ADRA1B: variants seen among roughly 807,000 people sequenced by gnomAD.
ADRA1B encodes the protein alpha-1B adrenergic receptor.
Under a neutral mutation model 17.9 loss-of-function variants are expected in ADRA1B, and 17 were observed. The ratio of observed to expected loss-of-function variants is 0.95; its 90% CI spans 0.65 to 1.42. The LOEUF (loss-of-function observed/expected upper bound fraction) is 1.42, where lower values mean the gene tolerates loss of function less well. Ranked by LOEUF, ADRA1B falls within the 40% of genes most tolerant of loss-of-function variation. The probability of loss-of-function intolerance (pLI) is 0.00; values close to 1 mark genes in which losing one functional copy is unlikely to be tolerated. For missense variants in ADRA1B, 681 were observed against 722.1 expected (o/e 0.94, Z 0.65); for synonymous variants, 366 against 327.6 (o/e 1.12, Z -1.27).
intron 1 of ADRA1B, among the ~76,000 whole-genome samples, chr5:159,897,230 G>A (rs897525491): frequency 6.6e-6 from 1 of 152,218 alleles, no homozygotes; most frequent in Non-Finnish European, 1.5e-5. Context: ...GCTCACGCCT[G>A]TAATCCCAGC....
intron 1 of ADRA1B, among the ~76,000 whole-genome samples, chr5:159,892,173 G>C (rs1753989608): frequency 6.6e-6 from 1 of 152,134 alleles, no homozygotes; most frequent in Non-Finnish European, 1.5e-5. Context: ...GGAGGTGGAG[G>C]TTGCAGTGAG....
chr5:159,889,669 A>C (rs1458776643), intron 1 of ADRA1B, among the ~76,000 whole-genome samples: 2 of 152,182 alleles, frequency 1.3e-5, no homozygotes, highest in Non-Finnish European at 2.9e-5. Flanking sequence ...TCTGGGGTTC[A>C]ATGGCATTCA....
At chr5:159,951,101 C>A (rs73817253) in intron 1 of ADRA1B, 11 of 738,122 alleles carry the variant, frequency 1.5e-5, no homozygotes, top group Non-Finnish European at 2.7e-5. Flanking sequence ...GTGGTTCATG[C>A]CCATCACGAA....
intron 1 of ADRA1B, among the ~76,000 whole-genome samples, chr5:159,891,236 AG>A (rs1297284045): frequency 6.6e-6 from 1 of 152,254 alleles, no homozygotes; most frequent in African/African-American, 2.4e-5. Context: ...ACTGCTTTAT[AG>A]TACTTTTGCT....
downstream of ADRA1B, among the ~76,000 whole-genome samples, chr5:159,975,590 C>T (rs1011787997): frequency 2.6e-5 from 4 of 152,252 alleles, no homozygotes; most frequent in Non-Finnish European, 4.4e-5. Flanking sequence ...TGATCTCATT[C>T]ATTACTGGTG....
intron 1 of ADRA1B, among the ~76,000 whole-genome samples, chr5:159,953,913 T>C (rs1182558944): frequency 6.7e-6 from 1 of 148,670 alleles, no homozygotes; most frequent in Non-Finnish European, 1.5e-5. Flanking sequence ...AGAAAGAAAA[T>C]GAAAGCCATT....
intron 1 of ADRA1B, chr5:159,950,486 A>G: frequency 1.4e-6 from 2 of 1,441,052 alleles, no homozygotes; most frequent in Non-Finnish European, 1.9e-6. Context: ...CTGGTGGTCC[A>G]GGGGTGTTAC....
chr5:159,909,175 G>A lies in ADRA1B; in HGVS notation c.-255-6944G>A, dbSNP rs1045072429. Among the ~76,000 whole-genome samples, 11 of 152,226 alleles carry A rather than the reference G, an allele frequency of 7.2e-5. 1 individual carries two copies. The highest frequency in any genetic ancestry group is 1.7e-4 in the African/African-American group (7 of 41,510). ...GCAAAGGAAACTGCCTCTTTCTCAC[G>A]CTGCTCCCCCCTTCACTATGCTCCC... On this transcript the variant is annotated intron_variant, in intron 1 of 2. Transcript: ENST00000641205.
chr5:159,971,009 C>T (rs1488751112), intron 1 of ADRA1B, among the ~76,000 whole-genome samples: 1 of 152,096 alleles, frequency 6.6e-6, no homozygotes, highest in Non-Finnish European at 1.5e-5. Context: ...CCTGTACTGC[C>T]CCGGCTGGTC....
At chr5:159,870,716 C>T (rs113543202) in intron 1 of ADRA1B, 4 of 152,232 alleles carry the variant, frequency 2.6e-5, no homozygotes, top group African/African-American at 4.8e-5. Context: ...GCAAAGTGAA[C>T]GCAAAGGAAT....
rs539445410 is a variant in ADRA1B at position 159,938,414 on chromosome 5, C to T, written c.949+20560C>T. 1.2e-4 allele frequency among the ~76,000 whole-genome samples: 19 copies of T among 152,310 alleles called. No homozygotes were observed. The East Asian group carries it at 1.5e-3, about 12-fold the overall frequency. Reference sequence around the variant, plus strand: ...TGGAAACGTTAGGGAATATGGAAGACCACTGGGGAGAGATTTCCTAGCCTT... The same window carrying T: ...TGGAAACGTTAGGGAATATGGAAGATCACTGGGGAGAGATTTCCTAGCCTT... On this transcript the variant is annotated intron_variant, in intron 1 of 1. Coordinates refer to ENST00000306675, the MANE Select transcript of ADRA1B (RefSeq NM_000679.4).
At chr5:159,936,877 A>T (rs551233296) in intron 1 of ADRA1B, among the ~76,000 whole-genome samples, 1 of 152,238 alleles carries the variant, frequency 6.6e-6, no homozygotes, top group East Asian at 1.9e-4. Flanking sequence ...GACTTGGAAC[A>T]CTCTGTCCTG....
chr5:159,947,905 T>C (rs1248401981), intron 1 of ADRA1B: 72 of 985,330 alleles, frequency 7.3e-5, no homozygotes, highest in Non-Finnish European at 8.6e-5. Flanking sequence ...GGGAGAGGGA[T>C]TCACATTCTC....
At chr5:159,871,320 G>A (rs971211314) in intron 1 of ADRA1B, 15 of 152,188 alleles carry the variant, frequency 9.9e-5, no homozygotes, top group Middle Eastern at 3.2e-3. Flanking sequence ...ACTGGAAGTT[G>A]GGGTCTATAT....
intron 1 of ADRA1B, among the ~76,000 whole-genome samples, chr5:159,875,179 T>C (rs1057509131): frequency 1.3e-5 from 2 of 152,264 alleles, no homozygotes; most frequent in African/African-American, 4.8e-5. Flanking sequence ...AAAACAACAG[T>C]GGCCTTTTCA....
chr5:159,984,914 A>AAAAG, the ADRA1B span, among the ~76,000 whole-genome samples: 347 of 151,624 alleles, frequency 2.3e-3, 1 homozygote, highest in South Asian at 0.011. Flanking sequence ...CAAAAAAAAA[A>AAAAG]AAAAGAAAAG....
intron 1 of ADRA1B, among the ~76,000 whole-genome samples, chr5:159,895,939 C>T (rs1369573336): frequency 3.3e-5 from 5 of 152,186 alleles, no homozygotes; most frequent in Admixed American, 3.3e-4. Flanking sequence ...ACTATAGGGG[C>T]TATGAAAGCA....
At chr5:159,918,376 C>T (rs1273283341) in intron 1 of ADRA1B, among the ~76,000 whole-genome samples, 1 of 152,152 alleles carries the variant, frequency 6.6e-6, no homozygotes, top group Non-Finnish European at 1.5e-5. Flanking sequence ...GCATTCTCTC[C>T]CTCCCCTCTT....
At chr5:159,867,276 T>G (rs1753669638) in intron 1 of ADRA1B, among the ~76,000 whole-genome samples, 2 of 152,180 alleles carry the variant, frequency 1.3e-5, no homozygotes, top group African/African-American at 4.8e-5. Context: ...GTTGAGAATC[T>G]TTTTGTTGGC....
Sources: allele counts gnomAD v4.1 joint callset (sites outside exome capture counted in the v4.1 genomes callset), GRCh38; gene constraint gnomAD v4.1.1; transcripts MANE v1.5; gene names NCBI Gene and HGNC (gene_info 2026-07-23, HGNC 2026-07-21).